Variants in LHFPL6 observed in about 807,000 individuals in gnomAD.
LHFPL6 encodes the protein LHFPL tetraspan subfamily member 6.
LHFPL6 carries 9 observed loss-of-function variants against 20.6 expected under a neutral mutation model. The ratio of observed to expected loss-of-function variants is 0.44; its 90% confidence interval spans 0.26 to 0.76. LHFPL6 has a LOEUF of 0.76. Ranked by LOEUF, LHFPL6 falls within the 30% of genes least tolerant of loss-of-function variation. LHFPL6 has a pLI of 0.20. For missense variants in LHFPL6, 218 were observed against 253.5 expected (o/e 0.86, Z 0.95); for synonymous variants, 105 against 98.7 (o/e 1.06, Z -0.38).
chr13:39,567,503 A>G (rs943982650), intron 2 of LHFPL6, among the ~76,000 whole-genome samples: 1 of 152,232 alleles, frequency 6.6e-6, no homozygotes, highest in Non-Finnish European at 1.5e-5. Flanking sequence ...GACTTTTTCC[A>G]TAGAGGTCCA....
chr13:39,375,339 C>A (rs1222127430), intron 3 of LHFPL6, among the ~76,000 whole-genome samples: 1 of 152,214 alleles, frequency 6.6e-6, no homozygotes, highest in East Asian at 1.9e-4. Flanking sequence ...TGAAGCTCAA[C>A]TTTCATTAGT....
At chr13:39,537,101 T>C (rs1010271235) in intron 2 of LHFPL6, among the ~76,000 whole-genome samples, 2 of 152,232 alleles carry the variant, frequency 1.3e-5, no homozygotes, top group African/African-American at 4.8e-5. Context: ...TGGGAATTTT[T>C]AAAGTTCATT....
At chr13:39,518,071 G>A (rs1869984495) in intron 2 of LHFPL6, among the ~76,000 whole-genome samples, 1 of 152,058 alleles carries the variant, frequency 6.6e-6, no homozygotes, top group African/African-American at 2.4e-5. Context: ...TCTTTCTCAG[G>A]TGAAAATCTC....
intron 2 of LHFPL6, among the ~76,000 whole-genome samples, chr13:39,562,523 CATATACACAT>C (rs1234525524): frequency 7.3e-6 from 1 of 136,078 alleles, no homozygotes; most frequent in African/African-American, 2.6e-5. Flanking sequence ...CATATATACA[CATATACACAT>C]ATATACACAT....
intron 2 of LHFPL6, among the ~76,000 whole-genome samples, chr13:39,456,469 A>G (rs1566115561): frequency 6.6e-6 from 1 of 152,152 alleles, no homozygotes; most frequent in Non-Finnish European, 1.5e-5. Flanking sequence ...AATTCTTCAC[A>G]AAATATTAAT....
chr13:39,394,301 T>C (rs2182779), intron 2 of LHFPL6, among the ~76,000 whole-genome samples: 7,551 of 152,270 alleles, frequency 0.05, 194 homozygotes, highest in Middle Eastern at 0.071. Flanking sequence ...CTTAATGGCC[T>C]AATTTTAACT....
intron 2 of LHFPL6, among the ~76,000 whole-genome samples, chr13:39,484,815 A>C (rs1338953740): frequency 6.6e-6 from 1 of 152,192 alleles, no homozygotes; most frequent in Non-Finnish European, 1.5e-5. Context: ...AAATGTGTGC[A>C]AAATGAGGAG....
chr13:39,465,854 A>C (rs1172103258), intron 2 of LHFPL6, among the ~76,000 whole-genome samples: 1 of 152,082 alleles, frequency 6.6e-6, no homozygotes, highest in Non-Finnish European at 1.5e-5. Context: ...ACTGCAAAAG[A>C]GTCTAGCAGC....
rs1367408342 is a variant in LHFPL6 at position 39,352,878 on chromosome 13, T to C, written c.485-8824A>G. 2.7e-3 allele frequency among the ~76,000 whole-genome samples: 148 copies of C among 53,916 alleles called. 3 individuals carry two copies. The highest frequency in any genetic ancestry group is 7.7e-3 in the African/African-American group (121 of 15,696). 35.4% of individuals were successfully genotyped at this position (53,916 alleles called of 152,430 possible). ...GTATATATATGTGTATATATATATA[T>C]AAATGTATATATATGTGTATATATA... On this transcript the variant is annotated intron_variant, in intron 3 of 3. Coordinates refer to ENST00000379589, the MANE Select transcript of LHFPL6 (RefSeq NM_005780.3).
intron 2 of LHFPL6, among the ~76,000 whole-genome samples, chr13:39,424,088 C>T (rs1442294827): frequency 1.3e-5 from 2 of 152,154 alleles, no homozygotes; most frequent in South Asian, 4.1e-4. Context: ...TGATACACAA[C>T]ACATATTATA....
At chr13:39,582,999 T>C (rs1244845649) in intron 2 of LHFPL6, among the ~76,000 whole-genome samples, 1 of 152,138 alleles carries the variant, frequency 6.6e-6, no homozygotes, top group South Asian at 2.1e-4. Context: ...TATTATTGCA[T>C]TCTCTGTCAG....
At chr13:39,461,185 G>A (rs960000770) in intron 2 of LHFPL6, among the ~76,000 whole-genome samples, 10 of 152,156 alleles carry the variant, frequency 6.6e-5, no homozygotes, top group Admixed American at 5.9e-4. Context: ...TTTTATGGCT[G>A]CATAGGAGTC....
intron 3 of LHFPL6, among the ~76,000 whole-genome samples, chr13:39,370,248 C>T (rs1870131041): frequency 6.6e-6 from 1 of 152,126 alleles, no homozygotes; most frequent in African/African-American, 2.4e-5. Context: ...GAGCCAAGTT[C>T]CTGAGTGCCC....
intron 3 of LHFPL6, among the ~76,000 whole-genome samples, chr13:39,362,280 TTCTC>T (rs1311279548): frequency 6.6e-6 from 1 of 152,178 alleles, no homozygotes; most frequent in African/African-American, 2.4e-5. Flanking sequence ...ACCTCCCCCT[TTCTC>T]TCTCTTCCTC....
intron 3 of LHFPL6, among the ~76,000 whole-genome samples, chr13:39,350,609 C>T (rs185906292): frequency 4.3e-4 from 66 of 152,324 alleles, no homozygotes; most frequent in African/African-American, 1.5e-3. Flanking sequence ...CAAGTTTTGT[C>T]TGTGATCCTT....
intron 2 of LHFPL6, among the ~76,000 whole-genome samples, chr13:39,569,541 A>T (rs573027014): frequency 6.6e-6 from 1 of 152,358 alleles, no homozygotes; most frequent in African/African-American, 2.4e-5. Context: ...AAGAAAAAGT[A>T]GATTACCAGC....
intron 2 of LHFPL6, among the ~76,000 whole-genome samples, chr13:39,466,480 T>C (rs141217429): frequency 3.3e-4 from 50 of 152,298 alleles, no homozygotes; most frequent in African/African-American, 1.1e-3. Flanking sequence ...TATAGAAGAT[T>C]TGAAGCACCT....
chr13:39,535,362 T>G (rs1383586223), intron 2 of LHFPL6, among the ~76,000 whole-genome samples: 4 of 152,240 alleles, frequency 2.6e-5, no homozygotes, highest in African/African-American at 9.6e-5. Flanking sequence ...TGCTCCAAGC[T>G]CAACACAGCA....
intron 2 of LHFPL6, among the ~76,000 whole-genome samples, chr13:39,453,777 A>T (rs994158884): frequency 7.9e-5 from 12 of 152,204 alleles, no homozygotes; most frequent in Non-Finnish European, 5.9e-5. Flanking sequence ...GTTGAACAAG[A>T]CAGACAAATT....
Sources: gnomAD v4.1 joint callset for allele counts (sites outside exome capture counted in the v4.1 genomes callset) on GRCh38, gnomAD v4.1.1 for gene constraint, MANE v1.5 for transcripts, NCBI Gene and HGNC (gene_info 2026-07-23, HGNC 2026-07-21) for gene names.